Variants in PHLDB1 observed in about 807,000 individuals in gnomAD.
The protein encoded by PHLDB1 is pleckstrin homology like domain family B member 1, also known as pleckstrin homology-like domain family B member 1.
A neutral mutation model predicts 139.3 loss-of-function variants in PHLDB1; 65 were observed. That is an observed-to-expected ratio of 0.47 (90% CI 0.38 to 0.57). The LOEUF is 0.57. PHLDB1 is among the 20% of genes least tolerant of loss of function. The pLI is 0.00. For missense variants in PHLDB1, 1,624 were observed against 1,839.7 expected, an observed-to-expected ratio of 0.88 and a Z score of 2.14; for synonymous variants, 679 against 734.5, an observed-to-expected ratio of 0.92 and a Z score of 1.22.
In PHLDB1 at chr11:118,608,922, CCAGT is replaced by C. The variant is rs1335932495; in HGVS notation, c.-22+1226_-22+1229del. ...ACACAGCCTACCTCACACACGCACC[CCAGT>C]CACACACACAACCCAGCTCACACAC... On this transcript the variant is annotated intron_variant, in intron 1 of 22. Transcript: ENST00000600882. The surrounding 1 kb of genome is among the most constrained non-coding windows in gnomAD (Gnocchi z 6.7). Among the ~76,000 whole-genome samples, 2 of 151,720 alleles carry C rather than the reference CCAGT, an allele frequency of 1.3e-5. No homozygotes were observed. Among genetic ancestry groups the C allele is most frequent in the African/African-American group, 4.8e-5 (2 of 41,286 alleles).
rs142487000 is a variant in PHLDB1, at chr11:118,648,035, G to A, written c.3613G>A (p.Val1205Ile). 2,535 of 1,613,498 alleles carry A rather than the reference G, an allele frequency of 1.6e-3. 46 individuals are homozygous for A. The East Asian group carries it at 0.037, about 24-fold the overall frequency. Residue 1205 changes from valine to isoleucine, a missense_variant, in exon 18 of 23, where the codon GTC becomes ATC. Physicochemically the swap from Val to Ile is conservative, Grantham distance 29. Transcript: ENST00000600882. ...TGAGAGTGCCCGGAGGCAGCAGCTG[G>A]TCGAGAAGGAGGTCAAGATGCGGGA... is the stretch of plus-strand genomic sequence containing the variant. The part of the protein sequence containing the change: ...QSESARRQQL[V>I]EKEVKMREKQ...
chr11:118,641,911 C>CTT lies in PHLDB1; in HGVS notation c.2737-342_2737-341insTT, dbSNP rs1946594387. On this transcript the variant is annotated intron_variant, in intron 12 of 22. Coordinates refer to ENST00000600882, the MANE Select transcript of PHLDB1 (RefSeq NM_001144758.3). ...GGGGAGTGCCCAGTGCCTGCAGGCTCTGTCTGGTGGCTGGTTTCATGGCTG... is the reference window on the plus strand; with the variant it reads ...GGGGAGTGCCCAGTGCCTGCAGGCTCTTTGTCTGGTGGCTGGTTTCATGGCTG... 4 of 660,280 alleles carry CTT rather than the reference C, an allele frequency of 6.1e-6. No homozygotes were observed. In the South Asian group the frequency reaches 7.3e-5, roughly 12 times the overall value. 40.9% of individuals were successfully genotyped at this position (660,280 alleles called of 1,614,324 possible).
At chr11:118,640,142 G>T (rs1441098571) in intron 12 of PHLDB1, 1 of 248,470 alleles carries the variant, frequency 4.0e-6, no homozygotes, top group African/African-American at 2.3e-5. Context: ...GTTTGGGAGA[G>T]TGTGTGCGAG....
rs1565486938 is a variant in PHLDB1, at chr11:118,645,639, C to T, written c.3405C>T (p.Asp1135=). 1 of 1,613,184 alleles carries T rather than the reference C, an allele frequency of 6.2e-7. No individual in the cohort carries two copies. The highest frequency in any genetic ancestry group is 1.1e-5 in the South Asian group (1 of 90,982). Residue 1135 remains aspartate (D), a synonymous_variant, in exon 16 of 23, where the codon GAC becomes GAT. Coordinates refer to ENST00000600882, the MANE Select transcript of PHLDB1 (RefSeq NM_001144758.3). The surrounding 1 kb of genome is among the most constrained non-coding windows in gnomAD (Gnocchi z 5.1). Reference sequence around the variant, plus strand: ...GGGGCAACTCGGCCTGCTCCCCTGACAACATGTCCAGGTACACCCGACGCC... The same window carrying T: ...GGGGCAACTCGGCCTGCTCCCCTGATAACATGTCCAGGTACACCCGACGCC... ...STGGNSACSP[D]NMSSASGLDM...
At chr11:118,648,122 G>A (rs1947809851) in intron 18 of PHLDB1, 46 bp downstream of exon 18, 1 of 1,584,490 alleles carries the variant, frequency 6.3e-7, no homozygotes, top group East Asian at 2.2e-5. Flanking sequence ...GACGGTGAGG[G>A]CTGTAGAGAA....
At chr11:118,640,534 C>T (rs1051873114) in intron 12 of PHLDB1, 1 of 152,320 alleles carries the variant, frequency 6.6e-6, no homozygotes, top group Non-Finnish European at 1.5e-5. Flanking sequence ...CATTTTTCTG[C>T]TAGGCTTTTA....
rs376657697 is a variant in PHLDB1 at position 118,639,004 on chromosome 11, A to G, written c.2646+3A>G. The G allele has an allele frequency of 2.5e-6, 4 of 1,610,112 alleles. No individual in the cohort carries two copies. In the African/African-American group the frequency reaches 5.3e-5, roughly 22 times the overall value. ...CCTCCTTACAGCTGCTGCAAAAGGTAGGGTCCCTGAGGTTGGGCCGGGAGA... is the reference window on the plus strand; with the variant it reads ...CCTCCTTACAGCTGCTGCAAAAGGTGGGGTCCCTGAGGTTGGGCCGGGAGA... On this transcript the variant is annotated splice_donor_region_variant and intron_variant, in intron 11 of 22. Coordinates refer to ENST00000600882, the MANE Select transcript of PHLDB1 (RefSeq NM_001144758.3).
chr11:118,631,872 G>C (rs782002460), intron 7 of PHLDB1, 41 bp from the exon 8 acceptor site: 1 of 1,556,048 alleles, frequency 6.4e-7, no homozygotes, highest in Non-Finnish European at 8.7e-7. Context: ...GATTCCAAAA[G>C]GCTCTAGGCT....
chr11:118,630,856 AGT>A (rs782251381), intron 6 of PHLDB1, among the ~76,000 whole-genome samples: 2 of 151,794 alleles, frequency 1.3e-5, no homozygotes, highest in South Asian at 2.1e-4. Context: ...GTATGTGTTT[AGT>A]GTGTTACTGT....
chr11:118,622,158 G>A (rs1401467781), intron 4 of PHLDB1, among the ~76,000 whole-genome samples: 1 of 152,090 alleles, frequency 6.6e-6, no homozygotes, highest in African/African-American at 2.4e-5. Flanking sequence ...GCTGGACCCT[G>A]ATCCCCCCTG....
intron 18 of PHLDB1, 44 bp downstream of exon 18, chr11:118,648,120 G>A: frequency 1.3e-6 from 2 of 1,587,636 alleles, no homozygotes; most frequent in South Asian, 2.3e-5. Context: ...TTGACGGTGA[G>A]GGCTGTAGAG....
chr11:118,655,865 G>A lies in PHLDB1; in HGVS notation c.3966G>A (p.Arg1322=). The change falls in exon 22 of 23, where the codon AGG becomes AGA. Residue 1322 remains arginine (R), a synonymous_variant. Coordinates refer to ENST00000600882, the MANE Select transcript of PHLDB1 (RefSeq NM_001144758.3). ...TCTCCCTCTCCCCTTCCCAGAAGAGGTTTTTCCGCTTCACTATGGTGACTG... is the reference window on the plus strand; with the variant it reads ...TCTCCCTCTCCCCTTCCCAGAAGAGATTTTTCCGCTTCACTATGGTGACTG... The part of the protein sequence containing the change: ...YDHLRSAAKK[R]FFRFTMVTES... The A allele has an allele frequency of 6.2e-7, 1 of 1,612,714 alleles. No homozygotes were observed. Among genetic ancestry groups the A allele is most frequent in the Non-Finnish European group, 8.5e-7 (1 of 1,178,768 alleles).
At chr11:118,639,349 T>C (rs1946153015) in intron 12 of PHLDB1, 98 bp downstream of exon 12, 1 of 837,860 alleles carries the variant, frequency 1.2e-6, no homozygotes, top group African/African-American at 1.7e-5. Context: ...TGAGGTTGTG[T>C]GGGGGCATCT....
At chr11:118,643,568 G>A (rs1480702837) in intron 13 of PHLDB1, 9 of 985,260 alleles carry the variant, frequency 9.1e-6, no homozygotes, top group Non-Finnish European at 1.1e-5. Flanking sequence ...TCTTTTCTTA[G>A]ACCCAGGGTT....
intron 13 of PHLDB1, chr11:118,643,455 C>G (rs932341489): frequency 3.2e-6 from 3 of 950,834 alleles, no homozygotes; most frequent in Non-Finnish European, 3.8e-6. Flanking sequence ...GGTCACACAG[C>G]CTGTTAGTGG....
chr11:118,644,287 A>G (rs1947084777), intron 15 of PHLDB1, 113 bp downstream of exon 15: 1 of 730,988 alleles, frequency 1.4e-6, no homozygotes, highest in Non-Finnish European at 2.3e-6. Flanking sequence ...ATTGGGATCT[A>G]GGCAAGACCA....
intron 3 of PHLDB1, 46 bp from the exon 4 acceptor site, chr11:118,615,995 C>T (rs781956991): frequency 7.8e-6 from 12 of 1,543,706 alleles, no homozygotes; most frequent in Non-Finnish European, 8.0e-6. Context: ...TCACTGCCTC[C>T]TCAGCCTGGA....
intron 14 of PHLDB1, 53 bp from the exon 15 acceptor site, chr11:118,644,019 A>G: frequency 6.2e-7 from 1 of 1,605,178 alleles, no homozygotes. Context: ...AGACCTTGGG[A>G]ATGGGGGTAA....
rs1555134455 is a variant in PHLDB1 at position 118,650,080 on chromosome 11, C to T, written c.3658C>T (p.Arg1220Ter). The T allele has an allele frequency of 3.1e-6, 5 of 1,612,624 alleles. No homozygotes were observed. The highest frequency in any genetic ancestry group is 4.2e-6 in the Non-Finnish European group (5 of 1,178,612). Residue 1220 changes from arginine to a stop codon, truncating the protein, a stop_gained, in exon 19 of 23, where the codon CGA becomes TGA. Transcript: ENST00000600882. LOFTEE classifies it high-confidence loss of function. The surrounding 1 kb of genome is among the most constrained non-coding windows in gnomAD (Gnocchi z 4.7). ...KMREKQFSQA[R>*]PLTRYLPIRK... ...TGACCCTCCCTCTTGCTCCCAGGCA[C>T]GACCCCTGACCCGCTACCTGCCAAT...
Sources: gnomAD v4.1 joint callset for allele counts (sites outside exome capture counted in the v4.1 genomes callset) on GRCh38, gnomAD v4.1.1 for gene constraint, Gnocchi (gnomAD v3.1) non-coding constraint, MANE v1.5 for transcripts, NCBI Gene and HGNC (gene_info 2026-07-23, HGNC 2026-07-21) for gene names.